Variants in IMPA1 observed in about 807,000 individuals in gnomAD.
IMPA1 encodes inositol monophosphatase 1, also known as D-galactose 1-phosphate phosphatase.
A neutral mutation model predicts 34.9 loss-of-function variants in IMPA1; 21 were observed. That is an observed-to-expected ratio of 0.60 (90% CI 0.43 to 0.87). IMPA1 has a LOEUF of 0.87. IMPA1 is among the 40% of genes least tolerant of loss of function. The pLI is 0.00. For missense variants in IMPA1, 299 were observed against 336.4 expected (o/e 0.89, Z 0.87); for synonymous variants, 95 against 104.4 (o/e 0.91, Z 0.55).
At position 81,666,000 on chromosome 8, in the gene IMPA1, C is replaced by T. The variant is rs190215802; in HGVS notation, c.566+4939G>A. On this transcript the variant is annotated intron_variant, in intron 7 of 8. Transcript: ENST00000256108. ...TTAAAAAGGTGCCTGCAACACTTCACAAAAGGACTGTGAGCATTTTATAAT... is the reference window on the plus strand; with the variant it reads ...TTAAAAAGGTGCCTGCAACACTTCATAAAAGGACTGTGAGCATTTTATAAT... Among the ~76,000 whole-genome samples, 75 of 152,238 alleles carry T rather than the reference C, an allele frequency of 4.9e-4. 1 individual carries two copies. Among genetic ancestry groups the T allele is most frequent in the Admixed American group, 4.9e-3 (75 of 15,294 alleles).
At chr8:81,683,460 C>G (rs1585905425) in intron 1 of IMPA1, among the ~76,000 whole-genome samples, 1 of 152,122 alleles carries the variant, frequency 6.6e-6, no homozygotes, top group African/African-American at 2.4e-5. Context: ...GGGAATCTAA[C>G]AGATTGGCTA....
intron 1 of IMPA1, among the ~76,000 whole-genome samples, chr8:81,681,960 T>C (rs932979980): frequency 2.6e-5 from 4 of 152,010 alleles, no homozygotes; most frequent in Non-Finnish European, 5.9e-5. Flanking sequence ...AATACTGAAA[T>C]AAAAGAAGCT....
intron 8 of IMPA1, 83 bp downstream of exon 8, chr8:81,660,433 A>T: frequency 8.1e-7 from 1 of 1,237,998 alleles, no homozygotes; most frequent in East Asian, 2.3e-5. Context: ...AGTATAACAT[A>T]TATCAAAAAG....
intron 7 of IMPA1, among the ~76,000 whole-genome samples, chr8:81,667,548 G>A (rs750385842): frequency 1.3e-5 from 2 of 152,100 alleles, no homozygotes; most frequent in African/African-American, 2.4e-5. Context: ...GAAGACAGAA[G>A]AATTCAGAGG....
intron 3 of IMPA1, among the ~76,000 whole-genome samples, chr8:81,680,133 TAAAA>T (rs60772020): frequency 7.6e-6 from 1 of 132,140 alleles, no homozygotes. Context: ...TGTCTCCGTC[TAAAA>T]AAAAAAAAAA....
chr8:81,676,016 A>G (rs556105169), intron 5 of IMPA1, among the ~76,000 whole-genome samples: 1 of 152,308 alleles, frequency 6.6e-6, no homozygotes, highest in African/African-American at 2.4e-5. Context: ...ACTTGTGTGT[A>G]TTTTCTTCTT....
At chr8:81,680,912 TACAAA>T in intron 2 of IMPA1, 129 bp from the exon 3 acceptor site, 2 of 695,084 alleles carry the variant, frequency 2.9e-6, no homozygotes, top group Non-Finnish European at 4.6e-6. Context: ...AAAAATGTCT[TACAAA>T]TATATCTATA....
At chr8:81,676,436 G>A (rs1807131546) in intron 4 of IMPA1, among the ~76,000 whole-genome samples, 157 bp from the exon 5 acceptor site, 1 of 152,048 alleles carries the variant, frequency 6.6e-6, no homozygotes, top group Non-Finnish European at 1.5e-5. Context: ...AGTTTGTATG[G>A]TATACAACCC....
intron 1 of IMPA1, among the ~76,000 whole-genome samples, chr8:81,684,610 GTA>G (rs143324945): frequency 0.14 from 5,367 of 39,380 alleles, 384 homozygotes; most frequent in African/African-American, 0.2. Context: ...TATATATCTA[GTA>G]TATATATACT....
chr8:81,671,897 G>A (rs1354993559), intron 6 of IMPA1, among the ~76,000 whole-genome samples: 2 of 151,970 alleles, frequency 1.3e-5, no homozygotes, highest in African/African-American at 2.4e-5. Context: ...ACTCTGTCTC[G>A]GGAGGAAAAA....
intron 6 of IMPA1, 65 bp from the exon 7 acceptor site, chr8:81,671,112 G>C (rs1563584858): frequency 1.5e-6 from 1 of 676,578 alleles, no homozygotes; most frequent in Non-Finnish European, 2.4e-6. Context: ...TTGTAATTCA[G>C]AAGAGGGCAT....
At chr8:81,680,201 T>C (rs116708179) in intron 3 of IMPA1, among the ~76,000 whole-genome samples, 1,595 of 152,178 alleles carry the variant, frequency 0.01, 17 homozygotes, top group African/African-American at 0.035. Flanking sequence ...CTAATATTCC[T>C]TCCTTGAGCG....
At chr8:81,674,297 T>G in intron 5 of IMPA1, 3 of 193,854 alleles carry the variant, frequency 1.5e-5, no homozygotes, top group East Asian at 1.3e-4. Flanking sequence ...CATCAGCTGA[T>G]TCCCTAGTCT....
At chr8:81,663,564 GGATT>G (rs1228078372) in intron 7 of IMPA1, among the ~76,000 whole-genome samples, 3 of 151,994 alleles carry the variant, frequency 2.0e-5, no homozygotes, top group African/African-American at 7.2e-5. Context: ...AAATAAGGCT[GGATT>G]ATTAGATGAT....
At chr8:81,675,391 T>C (rs964332840) in intron 5 of IMPA1, among the ~76,000 whole-genome samples, 3 of 152,134 alleles carry the variant, frequency 2.0e-5, no homozygotes, top group African/African-American at 7.2e-5. Context: ...ATAGTATTTT[T>C]TTTCATGGTT....
chr8:81,670,932 A>G lies in IMPA1; in HGVS notation c.566+7T>C. 2.2e-6 allele frequency: 3 copies of G among 1,372,102 alleles called. No homozygotes were observed. The highest frequency in any genetic ancestry group is 3.0e-6 in the Non-Finnish European group (3 of 1,001,536). 85.0% of individuals were successfully genotyped at this position (1,372,102 alleles called of 1,614,324 possible). A position where few individuals can be genotyped will look rare whatever the true frequency, so the allele number is the denominator to read the frequency against. On this transcript the variant is annotated splice_region_variant and intron_variant, in intron 7 of 8. Coordinates refer to ENST00000256108, the MANE Select transcript of IMPA1 (RefSeq NM_005536.4). ...AGAGAGAGATAGAATAATGGTAAAG[A>G]GCTTACCCATGAACAGGAATGCAAA...
chr8:81,685,860 G>C lies in IMPA1; in HGVS notation c.-25+392C>G, dbSNP rs758988628. The C allele has an allele frequency of 7.7e-6, 12 of 1,549,630 alleles. No individual in the cohort carries two copies. The South Asian group carries it at 1.2e-4, about 15-fold the overall frequency. ...TAGGAGCCAGGCCACCTTCCTTTTT[G>C]CCACCTGTCCCAGCACCGCGACTGC... On this transcript the variant is annotated intron_variant, in intron 1 of 8. Coordinates refer to ENST00000256108, the MANE Select transcript of IMPA1 (RefSeq NM_005536.4).
rs186723196 is a variant in IMPA1, at chr8:81,671,788, T to A, written c.458-741A>T. 4.0e-3 allele frequency among the ~76,000 whole-genome samples: 608 copies of A among 151,960 alleles called. 1 individual carries two copies. Among genetic ancestry groups the A allele is most frequent in the Non-Finnish European group, 6.8e-3 (463 of 67,968 alleles). On this transcript the variant is annotated intron_variant, in intron 6 of 8. Transcript: ENST00000256108. ...GGTGCGCACCTGTAATCCCAGCTACTCCGGAGGCTGAGGCAGGAGAATAGC... is the reference window on the plus strand; with the variant it reads ...GGTGCGCACCTGTAATCCCAGCTACACCGGAGGCTGAGGCAGGAGAATAGC...
intron 4 of IMPA1, among the ~76,000 whole-genome samples, chr8:81,678,290 A>C (rs1700658882): frequency 1.3e-5 from 2 of 151,934 alleles, no homozygotes; most frequent in African/African-American, 4.8e-5. Flanking sequence ...GACTGAACTC[A>C]TTCTATATCG....
Sources: allele counts gnomAD v4.1 joint callset (sites outside exome capture counted in the v4.1 genomes callset), GRCh38; gene constraint gnomAD v4.1.1; transcripts MANE v1.5; gene names NCBI Gene and HGNC (gene_info 2026-07-23, HGNC 2026-07-21).